Variants in PTPN11 observed in about 807,000 individuals in gnomAD.
PTPN11 encodes protein tyrosine phosphatase non-receptor type 11.
PTPN11 carries 6 observed loss-of-function variants against 78.8 expected under a neutral mutation model. The ratio of observed to expected loss-of-function variants is 0.08; its 90% CI spans 0.04 to 0.15. The LOEUF is 0.15. PTPN11 is among the 10% of genes least tolerant of loss of function. The probability of loss-of-function intolerance (pLI) is 1.00; values close to 1 mark genes in which losing one functional copy is unlikely to be tolerated. For synonymous variants in PTPN11, 221 were observed against 263.5 expected, an observed-to-expected ratio of 0.84 and a Z score of 1.56; for missense variants, 386 against 744.8, an observed-to-expected ratio of 0.52 and a Z score of 5.61.
chr12:112,422,161 AT>A (rs1420709068), intron 1 of PTPN11, among the ~76,000 whole-genome samples: 5 of 152,284 alleles, frequency 3.3e-5, no homozygotes, highest in Non-Finnish European at 7.4e-5. Flanking sequence ...AGAGAAGGTG[AT>A]CGTGTGAGCT....
intron 1 of PTPN11, among the ~76,000 whole-genome samples, chr12:112,437,512 C>T (rs958409639): frequency 7.2e-5 from 11 of 152,090 alleles, no homozygotes; most frequent in African/African-American, 1.9e-4. Flanking sequence ...TACTTTGTTA[C>T]GGTGCATTAT....
Position 112,419,140 on chromosome 12 carries a change from G to A in PTPN11, c.14+15G>A, listed in dbSNP as rs2037474641. ...ACATCGCGGAGGTGAGGAGCCCCGA[G>A]GGGCCCGGCGCGGGCCTCGGCCCGG... On this transcript the variant is annotated intron_variant, in intron 1 of 15. Transcript: ENST00000351677. 1.3e-6 allele frequency: 2 copies of A among 1,510,008 alleles called. No individual in the cohort carries two copies. Among genetic ancestry groups the A allele is most frequent in the Admixed American group, 2.1e-5 (1 of 48,196 alleles). 93.5% of individuals were successfully genotyped at this position (1,510,008 alleles called of 1,614,324 possible). A position where few individuals can be genotyped will look rare whatever the true frequency, so the allele number is the denominator to read the frequency against.
intron 1 of PTPN11, among the ~76,000 whole-genome samples, chr12:112,436,882 A>G (rs2135842850): frequency 6.6e-6 from 1 of 152,252 alleles, no homozygotes; most frequent in Non-Finnish European, 1.5e-5. Context: ...GAGGTTTTTT[A>G]CCATTTAATG....
At chr12:112,441,339 G>T (rs1332701678) in intron 1 of PTPN11, among the ~76,000 whole-genome samples, 1 of 151,748 alleles carries the variant, frequency 6.6e-6, no homozygotes, top group Non-Finnish European at 1.5e-5. Flanking sequence ...TCTGCTCACT[G>T]CATTCTCTGC....
At position 112,442,206 on chromosome 12, in the gene PTPN11, CA is replaced by C. The variant is rs778122392; in HGVS notation, c.15-4066del. Among the ~76,000 whole-genome samples, 196 of 152,154 alleles carry C rather than the reference CA, an allele frequency of 1.3e-3. 1 individual carries two copies. Among genetic ancestry groups the C allele is most frequent in the Non-Finnish European group, 1.5e-3 (103 of 67,996 alleles). On this transcript the variant is annotated intron_variant, in intron 1 of 15. Coordinates refer to ENST00000351677, the MANE Select transcript of PTPN11 (RefSeq NM_002834.5). ...TAATTTCAAATTTAAATAAGAGTTG[CA>C]AAATAGTACAAATAATTCGTGTTAA...
At chr12:112,478,127 C>A in intron 9 of PTPN11, 112 bp downstream of exon 9, 1 of 1,281,220 alleles carries the variant, frequency 7.8e-7, no homozygotes, top group South Asian at 1.3e-5. Context: ...AACTGATTCT[C>A]TGGAAAAAAG....
chr12:112,456,475 T>C (rs1566170545), intron 6 of PTPN11, among the ~76,000 whole-genome samples: 1 of 151,328 alleles, frequency 6.6e-6, no homozygotes, highest in Non-Finnish European at 1.5e-5. Flanking sequence ...TTTTTTTTTT[T>C]TGAGACAGGG....
chr12:112,453,046 T>G, intron 3 of PTPN11, 149 bp from the exon 4 acceptor site: 2 of 694,948 alleles, frequency 2.9e-6, no homozygotes, highest in Non-Finnish European at 4.8e-6. Context: ...GCAGATTTTC[T>G]GTCTCAGGTG....
chr12:112,486,893 A>G, intron 11 of PTPN11: 2 of 1,404,246 alleles, frequency 1.4e-6, no homozygotes, highest in Non-Finnish European at 1.9e-6. Context: ...TGAGTCCACC[A>G]GAAGTTGTGC....
chr12:112,449,792 G>T (rs1311781283), intron 2 of PTPN11, among the ~76,000 whole-genome samples: 3 of 151,808 alleles, frequency 2.0e-5, no homozygotes, highest in African/African-American at 7.3e-5. Flanking sequence ...TAGGCCGGGC[G>T]TGGTGGCTCA....
chr12:112,473,904 AT>A (rs987540210), intron 7 of PTPN11, among the ~76,000 whole-genome samples: 2 of 150,644 alleles, frequency 1.3e-5, no homozygotes, highest in Admixed American at 6.6e-5. Flanking sequence ...GTACCTTTCA[AT>A]TTTTTTTTGA....
chr12:112,468,757 C>T (rs2038368025), intron 6 of PTPN11, among the ~76,000 whole-genome samples: 1 of 152,156 alleles, frequency 6.6e-6, no homozygotes, highest in South Asian at 2.1e-4. Context: ...TGATTGAGAA[C>T]TTACTGCAGG....
intron 1 of PTPN11, among the ~76,000 whole-genome samples, chr12:112,427,010 C>T (rs966663627): frequency 6.6e-5 from 10 of 151,938 alleles, no homozygotes; most frequent in Admixed American, 5.2e-4. Flanking sequence ...TTTGAGGGGC[C>T]GAGGCTGGCA....
At position 112,428,526 on chromosome 12, in the gene PTPN11, T is replaced by A. The variant is rs549577867; in HGVS notation, c.14+9401T>A. On this transcript the variant is annotated intron_variant, in intron 1 of 15. Coordinates refer to ENST00000351677, the MANE Select transcript of PTPN11 (RefSeq NM_002834.5). ...ATCTTCTCTTACTAAGTTCTCAGGG[T>A]CGAATGAACTCTAACTGCTCCTTGC... Among the ~76,000 whole-genome samples, 429 of 151,708 alleles carry A rather than the reference T, an allele frequency of 2.8e-3. 5 individuals are homozygous for A. The highest frequency in any genetic ancestry group is 9.6e-3 in the African/African-American group (399 of 41,388).
chr12:112,432,735 T>G (rs1385716854), intron 1 of PTPN11, among the ~76,000 whole-genome samples: 1 of 151,720 alleles, frequency 6.6e-6, no homozygotes, highest in Non-Finnish European at 1.5e-5. Context: ...ATCCCAGTAC[T>G]TTGGTAGGCC....
chr12:112,452,244 T>TG (rs1175718892), intron 3 of PTPN11, among the ~76,000 whole-genome samples: 2 of 152,004 alleles, frequency 1.3e-5, no homozygotes, highest in Non-Finnish European at 2.9e-5. Context: ...TTTATTTTTT[T>TG]TGAGATGGAG....
At position 112,454,567 on chromosome 12, in the gene PTPN11, C is replaced by G. The variant is rs760660964; in HGVS notation, c.529C>G (p.Leu177Val). The G allele has an allele frequency of 1.2e-6, 2 of 1,609,946 alleles. No individual in the cohort carries two copies. The highest frequency in any genetic ancestry group is 2.2e-5 in the South Asian group (2 of 90,994). ...TGTCATGTGTTTATCTTGAAAGGAA[C>G]TGAAATACGACGTTGGTGGAGGAGA... ...VTHVMIRCQE[L>V]KYDVGGGERF... Residue 177 changes from leucine (L) to valine (V), a missense_variant, in exon 5 of 16, where the codon CTG becomes GTG. Physicochemically the swap from Leu to Val is conservative, Grantham distance 32. Coordinates refer to ENST00000351677, the MANE Select transcript of PTPN11 (RefSeq NM_002834.5).
At chr12:112,469,674 C>G (rs1002202185) in intron 6 of PTPN11, among the ~76,000 whole-genome samples, 48 of 152,060 alleles carry the variant, frequency 3.2e-4, no homozygotes, top group Admixed American at 2.3e-3. Flanking sequence ...GCCACCACTC[C>G]CAGCTAATTT....
At position 112,509,300 on chromosome 12, in the gene PTPN11, A is replaced by C. The variant is rs2038972772; in HGVS notation, c.*3508A>C. 1 of 152,426 alleles carries C rather than the reference A, an allele frequency of 6.6e-6. No homozygotes were observed. The highest frequency in any genetic ancestry group is 2.1e-4 in the South Asian group (1 of 4,836). 9.4% of individuals were successfully genotyped at this position (152,426 alleles called of 1,614,324 possible). ...CACTATGGGCAGTTCACACAAGGCA[A>C]AAACTATTGAACAGTTGGTTTTAGT... On this transcript the variant is annotated 3_prime_UTR_variant, in exon 16 of 16. Coordinates refer to ENST00000351677, the MANE Select transcript of PTPN11 (RefSeq NM_002834.5).
Sources: gnomAD v4.1 joint callset for allele counts (sites outside exome capture counted in the v4.1 genomes callset) on GRCh38, gnomAD v4.1.1 for gene constraint, MANE v1.5 for transcripts, NCBI Gene and HGNC (gene_info 2026-07-23, HGNC 2026-07-21) for gene names.